The following ATP2B1 variants were observed in gnomAD, a reference collection of about 807,000 sequenced individuals.
ATP2B1 encodes ATPase plasma membrane Ca2+ transporting 1.
ATP2B1 carries 14 observed loss-of-function variants against 124.2 expected under a neutral mutation model. That is an observed-to-expected ratio of 0.11 (90% CI 0.07 to 0.18). The LOEUF (loss-of-function observed/expected upper bound fraction) is 0.18, where lower values mean the gene tolerates loss of function less well. Ranked by LOEUF, ATP2B1 falls within the 10% of genes least tolerant of loss-of-function variation. ATP2B1 has a pLI of 1.00. For synonymous variants in ATP2B1, 449 were observed against 492.4 expected (o/e 0.91, Z 1.17); for missense variants, 763 against 1,466.1 (o/e 0.52, Z 7.83).
chr12:89,657,590 T>A (rs1297695378), intron 1 of ATP2B1, among the ~76,000 whole-genome samples: 1 of 152,240 alleles, frequency 6.6e-6, no homozygotes, highest in Admixed American at 6.5e-5. Context: ...GCTATGAAGA[T>A]GTCTGTACAT....
chr12:89,673,795 G>C (rs768837887), intron 1 of ATP2B1, among the ~76,000 whole-genome samples: 2 of 152,172 alleles, frequency 1.3e-5, no homozygotes, highest in Non-Finnish European at 2.9e-5. Flanking sequence ...ATTAGGAAAT[G>C]TTATGAATAT....
At chr12:89,591,409 T>C (rs572703815) in intron 20 of ATP2B1, 114 bp from the exon 21 acceptor site, 137 of 886,756 alleles carry the variant, frequency 1.5e-4, no homozygotes, top group Non-Finnish European at 2.2e-4. Flanking sequence ...CATATTTGCA[T>C]GTAATGCAGT....
At chr12:89,639,463 C>T (rs1288714956) in intron 3 of ATP2B1, among the ~76,000 whole-genome samples, 1 of 151,904 alleles carries the variant, frequency 6.6e-6, no homozygotes, top group Non-Finnish European at 1.5e-5. Context: ...GAGATAGTGC[C>T]ACTGCACTCC....
At chr12:89,695,883 C>T (rs1336735820) in intron 1 of ATP2B1, among the ~76,000 whole-genome samples, 2 of 152,088 alleles carry the variant, frequency 1.3e-5, no homozygotes, top group Non-Finnish European at 2.9e-5. Context: ...ATTTACCTGA[C>T]ATATCATTCA....
At chr12:89,614,830 A>T (rs1878674333) in intron 12 of ATP2B1, among the ~76,000 whole-genome samples, 1 of 152,108 alleles carries the variant, frequency 6.6e-6, no homozygotes, top group Admixed American at 6.5e-5. Flanking sequence ...CTTTGAAATC[A>T]TTCTTTTCTT....
At chr12:89,687,418 A>G (rs1261259821) in intron 1 of ATP2B1, among the ~76,000 whole-genome samples, 1 of 152,138 alleles carries the variant, frequency 6.6e-6, no homozygotes, top group Non-Finnish European at 1.5e-5. Flanking sequence ...AATTTGCACA[A>G]TAACGAAATT....
chr12:89,626,363 C>A, intron 8 of ATP2B1, 91 bp downstream of exon 8: 9 of 1,371,064 alleles, frequency 6.6e-6, no homozygotes, highest in Non-Finnish European at 7.8e-6. Flanking sequence ...CACAAAGCAA[C>A]AATTTCCAGC....
At chr12:89,701,411 C>T (rs890534807) in intron 1 of ATP2B1, among the ~76,000 whole-genome samples, 15 of 152,144 alleles carry the variant, frequency 9.9e-5, no homozygotes, top group African/African-American at 3.1e-4. Context: ...TTCTATATCA[C>T]GATATATAGA....
Position 89,621,691 on chromosome 12 carries a change from A to G in ATP2B1, c.1445T>C (p.Met482Thr). 1 of 1,611,990 alleles carries G rather than the reference A, an allele frequency of 6.2e-7. No homozygotes were observed. Among genetic ancestry groups the G allele is most frequent in the Non-Finnish European group, 8.5e-7 (1 of 1,178,876 alleles). ...ICSDKTGTLT[M>T]NRMTVVQAYI... ...AGCTTGAACGACTGTCATTCTGTTC[A>G]TTGTCAAAGTTCCTGTTTTATCTGA... Residue 482 changes from methionine to threonine, a missense_variant, in exon 10 of 21, where the codon ATG becomes ACG. This residue lies in a region of ATP2B1 where 392 missense variants were observed against 776.6 expected (regional missense o/e 0.50). Transcript: ENST00000428670.
At chr12:89,651,389 G>C (rs542538504) in intron 2 of ATP2B1, among the ~76,000 whole-genome samples, 1 of 151,726 alleles carries the variant, frequency 6.6e-6, no homozygotes, top group East Asian at 2.0e-4. Flanking sequence ...ACACTCAAGC[G>C]ATCCTCCCAC....
chr12:89,706,777 G>GTC (rs1892501799), intron 1 of ATP2B1, among the ~76,000 whole-genome samples: 1 of 152,068 alleles, frequency 6.6e-6, no homozygotes, highest in African/African-American at 2.4e-5. Flanking sequence ...TTAAATTAAA[G>GTC]GTGGCGCTCT....
rs1487262769 is a variant in ATP2B1 at position 89,672,667 on chromosome 12, A to G, written c.-221-16560T>C. On this transcript the variant is annotated intron_variant, in intron 1 of 20. Coordinates refer to ENST00000428670, the MANE Select transcript of ATP2B1 (RefSeq NM_001366521.1). ...CTCTGTGTCTCTGACTGGCTCCCCT[A>G]TGTACTTTCTGCCTCTCTCCCACCC... Among the ~76,000 whole-genome samples the G allele has an allele frequency of 2.6e-5, 4 of 151,926 alleles. No homozygotes were observed. In the East Asian group the frequency reaches 7.7e-4, roughly 29 times the overall value.
chr12:89,661,735 T>C (rs1886716412), intron 1 of ATP2B1, among the ~76,000 whole-genome samples: 2 of 152,234 alleles, frequency 1.3e-5, no homozygotes. Context: ...CCATTTTCAT[T>C]GTGTGTTTTT....
intron 20 of ATP2B1, among the ~76,000 whole-genome samples, chr12:89,595,562 G>T (rs1874418180): frequency 6.6e-6 from 1 of 151,978 alleles, no homozygotes; most frequent in South Asian, 2.1e-4. Flanking sequence ...GCTAAGCAAG[G>T]TCACCCAATA....
chr12:89,641,025 C>G (rs1386724655), intron 3 of ATP2B1, among the ~76,000 whole-genome samples: 1 of 152,190 alleles, frequency 6.6e-6, no homozygotes, highest in Non-Finnish European at 1.5e-5. Flanking sequence ...GCAAGTATCT[C>G]TTCACAACTC....
chr12:89,658,598 G>GAGAGAGAGAGA (rs1886258752), intron 1 of ATP2B1, among the ~76,000 whole-genome samples: 7 of 69,580 alleles, frequency 1.0e-4, no homozygotes, highest in African/African-American at 3.0e-4. Context: ...AATTCAAACA[G>GAGAGAGAGAGA]GAGAGAGAGA....
At chr12:89,627,769 T>G (rs546468317) in intron 6 of ATP2B1, 53 bp from the exon 7 acceptor site, 1 of 1,541,746 alleles carries the variant, frequency 6.5e-7, no homozygotes, top group African/African-American at 1.4e-5. Flanking sequence ...AATACAGCCA[T>G]GCTAAATTAT....
intron 18 of ATP2B1, among the ~76,000 whole-genome samples, chr12:89,602,342 C>G (rs980364849): frequency 6.6e-6 from 1 of 152,154 alleles, no homozygotes; most frequent in South Asian, 2.1e-4. Context: ...ACAGGCCTCT[C>G]TTTGATATGG....
At chr12:89,624,935 T>C (rs1880589566) in intron 8 of ATP2B1, among the ~76,000 whole-genome samples, 1 of 152,228 alleles carries the variant, frequency 6.6e-6, no homozygotes, top group Non-Finnish European at 1.5e-5. Context: ...GAGTTAACCA[T>C]GTATCTTGTG....
Sources: allele counts gnomAD v4.1 joint callset (sites outside exome capture counted in the v4.1 genomes callset), GRCh38; gene constraint gnomAD v4.1.1; regional missense constraint gnomAD v4.1.1; transcripts MANE v1.5; gene names NCBI Gene and HGNC (gene_info 2026-07-23, HGNC 2026-07-21).